Variants in CLASP1 observed in about 807,000 individuals in gnomAD.
The protein encoded by CLASP1 is cytoplasmic linker associated protein 1.
Under a neutral mutation model 192.3 loss-of-function variants are expected in CLASP1, and 38 were observed. The ratio of observed to expected loss-of-function variants is 0.20; its 90% CI spans 0.15 to 0.26. The LOEUF is 0.26. CLASP1 is among the 10% of genes least tolerant of loss of function. The pLI is 1.00. For missense variants in CLASP1, 1,433 were observed against 1,932.5 expected, an observed-to-expected ratio of 0.74 and a Z score of 4.85; for synonymous variants, 691 against 712.8, an observed-to-expected ratio of 0.97 and a Z score of 0.49.
chr2:121,356,720 A>T (rs1032555329), intron 37 of CLASP1, among the ~76,000 whole-genome samples: 1 of 152,212 alleles, frequency 6.6e-6, no homozygotes, highest in African/African-American at 2.4e-5. Flanking sequence ...AGATCTTGAG[A>T]AGTAGTGTCT....
intron 1 of CLASP1, among the ~76,000 whole-genome samples, chr2:121,634,045 G>A (rs1474667589): frequency 6.6e-6 from 1 of 150,862 alleles, no homozygotes; most frequent in Non-Finnish European, 1.5e-5. Context: ...AGGAGAGTGT[G>A]CACCTGGTTC....
chr2:121,646,236 C>A (rs574714779), intron 1 of CLASP1, among the ~76,000 whole-genome samples: 2 of 152,132 alleles, frequency 1.3e-5, no homozygotes, highest in Non-Finnish European at 2.9e-5. Context: ...CCTCATCCCC[C>A]CAAGTAGTTG....
chr2:121,629,012 T>C (rs1032766449), intron 1 of CLASP1, among the ~76,000 whole-genome samples: 9 of 152,074 alleles, frequency 5.9e-5, no homozygotes, highest in Admixed American at 2.6e-4. Flanking sequence ...GAAATAATCC[T>C]AAATGTTAAC....
intron 32 of CLASP1, among the ~76,000 whole-genome samples, chr2:121,383,991 G>GATATATAT (rs139095697): frequency 1.3e-4 from 17 of 129,542 alleles, no homozygotes; most frequent in East Asian, 9.4e-4. Flanking sequence ...TCACTGGTGA[G>GATATATAT]ATATATATAT....
chr2:121,512,407 A>G lies in CLASP1; in HGVS notation c.644+3258T>C, dbSNP rs540085009. On this transcript the variant is annotated intron_variant, in intron 7 of 39. Coordinates refer to ENST00000263710, the Ensembl canonical transcript of CLASP1. ...TCACAGGGTATCACACAACTACATGATATCTTATGATGGCTAGAAGTTATT... is the reference window on the plus strand; with the variant it reads ...TCACAGGGTATCACACAACTACATGGTATCTTATGATGGCTAGAAGTTATT... Among the ~76,000 whole-genome samples the G allele has an allele frequency of 9.2e-5, 14 of 152,336 alleles. No homozygotes were observed. In the East Asian group the frequency reaches 2.7e-3, roughly 29 times the overall value.
At chr2:121,517,930 T>C (rs1034642779) in intron 6 of CLASP1, among the ~76,000 whole-genome samples, 3 of 128,610 alleles carry the variant, frequency 2.3e-5, no homozygotes, top group Non-Finnish European at 4.8e-5. Context: ...CTCGTGCCTA[T>C]AATCCCAGCA....
chr2:121,384,031 CAT>C (rs1553477023), intron 32 of CLASP1, among the ~76,000 whole-genome samples: 33 of 132,838 alleles, frequency 2.5e-4, no homozygotes, highest in East Asian at 6.0e-4. Context: ...CACACACACA[CAT>C]ATATATGTAT....
chr2:121,638,509 A>G (rs2071340137), intron 1 of CLASP1, among the ~76,000 whole-genome samples: 1 of 152,176 alleles, frequency 6.6e-6, no homozygotes, highest in Non-Finnish European at 1.5e-5. Flanking sequence ...ACAGAGATTC[A>G]AACAGATATT....
intron 8 of CLASP1, among the ~76,000 whole-genome samples, chr2:121,496,143 T>C (rs183087864): frequency 1.1e-4 from 17 of 152,338 alleles, no homozygotes; most frequent in Admixed American, 9.1e-4. Context: ...AATTAACAAC[T>C]GTAACTACTG....
chr2:121,399,482 C>A (rs1352278069), intron 28 of CLASP1, among the ~76,000 whole-genome samples: 1 of 152,050 alleles, frequency 6.6e-6, no homozygotes, highest in African/African-American at 2.4e-5. Flanking sequence ...TCGGGAAATA[C>A]GCCATTGTTA....
At chr2:121,356,217 A>C (rs923419273) in intron 37 of CLASP1, among the ~76,000 whole-genome samples, 4 of 152,176 alleles carry the variant, frequency 2.6e-5, no homozygotes, top group African/African-American at 9.7e-5. Context: ...TCTTGAGCTT[A>C]GCTACTCAAT....
chr2:121,398,288 C>T (rs1384410854), intron 29 of CLASP1, 34 bp downstream of exon 30: 1 of 1,479,728 alleles, frequency 6.8e-7, no homozygotes, highest in Non-Finnish European at 9.3e-7. Context: ...ATGTGAGTTC[C>T]AGGGTTGAAT....
At chr2:121,633,868 G>A (rs193098840) in intron 1 of CLASP1, among the ~76,000 whole-genome samples, 37 of 152,154 alleles carry the variant, frequency 2.4e-4, no homozygotes, top group African/African-American at 8.2e-4. Flanking sequence ...TTAGCCAGGC[G>A]TGGTGGTGGG....
At chr2:121,425,064 G>A in intron 22 of CLASP1, 75 bp downstream of exon 22, 1 of 1,384,090 alleles carries the variant, frequency 7.2e-7, no homozygotes, top group Non-Finnish European at 9.9e-7. Context: ...TCCTACATTA[G>A]ACATAGTCAT....
intron 1 of CLASP1, among the ~76,000 whole-genome samples, chr2:121,617,758 G>A (rs1217006991): frequency 6.6e-6 from 1 of 152,082 alleles, no homozygotes; most frequent in Non-Finnish European, 1.5e-5. Flanking sequence ...CCAGATCTCT[G>A]TTGGTGGGCT....
exon 5 of CLASP1, chr2:121,527,820 C>T: frequency 6.2e-7 from 1 of 1,613,858 alleles, no homozygotes; most frequent in Non-Finnish European, 8.5e-7. Flanking sequence ...TGCTATAAGG[C>T]AGAGACAGAT....
At chr2:121,648,191 G>A (rs2073528669) in intron 1 of CLASP1, among the ~76,000 whole-genome samples, 1 of 152,164 alleles carries the variant, frequency 6.6e-6, no homozygotes, top group Non-Finnish European at 1.5e-5. Context: ...AGTTACCGTC[G>A]TAAATAATCG....
At chr2:121,403,595 C>T (rs1245995515) in intron 26 of CLASP1, 11 of 437,522 alleles carry the variant, frequency 2.5e-5, no homozygotes, top group Non-Finnish European at 5.1e-5. Flanking sequence ...TATCCATTTC[C>T]ACACCTTACC....
At chr2:121,437,623 G>C (rs1287590466) in intron 19 of CLASP1, among the ~76,000 whole-genome samples, 1 of 152,176 alleles carries the variant, frequency 6.6e-6, no homozygotes, top group Non-Finnish European at 1.5e-5. Flanking sequence ...ATTCTCGAGG[G>C]AGATTACTTT....
Sources: gnomAD v4.1 joint callset for allele counts (sites outside exome capture counted in the v4.1 genomes callset) on GRCh38, gnomAD v4.1.1 for gene constraint, MANE v1.5 for transcripts, NCBI Gene and HGNC (gene_info 2026-07-23, HGNC 2026-07-21) for gene names.